The following HIVEP3 variants were observed in gnomAD, a reference collection of about 807,000 sequenced individuals.
HIVEP3 encodes the protein HIVEP zinc finger 3, also known as transcription factor HIVEP3.
In HIVEP3, 49 loss-of-function variants were observed where a neutral mutation model predicts 152.8. The observed-to-expected ratio is 0.32, with a 90% CI of 0.26 to 0.41. HIVEP3 has a LOEUF of 0.41. HIVEP3 is among the 10% of genes least tolerant of loss of function. The probability of loss-of-function intolerance (pLI) is 1.00; values close to 1 mark genes in which losing one functional copy is unlikely to be tolerated. For missense variants in HIVEP3, 2,790 were observed against 3,103.3 expected (o/e 0.90, Z 2.40); for synonymous variants, 1,269 against 1,289.0 (o/e 0.98, Z 0.33).
intron 1 of HIVEP3, among the ~76,000 whole-genome samples, chr1:42,015,480 C>A (rs1312183566): frequency 6.6e-6 from 1 of 152,190 alleles, no homozygotes; most frequent in Non-Finnish European, 1.5e-5. Context: ...AGCGTAGACA[C>A]AGAGCAAGAC....
intron 5 of HIVEP3, among the ~76,000 whole-genome samples, chr1:41,537,450 C>T (rs934635842): frequency 5.3e-5 from 8 of 152,120 alleles, no homozygotes; most frequent in South Asian, 2.1e-4. Context: ...AGCCTGTGTC[C>T]GTGAAGTGAG....
chr1:41,694,385 C>T (rs562884007), intron 2 of HIVEP3, among the ~76,000 whole-genome samples: 10 of 152,256 alleles, frequency 6.6e-5, no homozygotes, highest in Middle Eastern at 3.4e-3. Context: ...AGGTTCCTTG[C>T]ATGGCCTATT....
At chr1:41,735,981 A>G (rs1646912770) in intron 1 of HIVEP3, among the ~76,000 whole-genome samples, 1 of 152,122 alleles carries the variant, frequency 6.6e-6, no homozygotes, top group South Asian at 2.1e-4. Flanking sequence ...CCCCACCATC[A>G]AAGTGACAAC....
intron 1 of HIVEP3, among the ~76,000 whole-genome samples, chr1:41,893,020 G>A (rs1014231298): frequency 6.6e-6 from 1 of 151,622 alleles, no homozygotes; most frequent in African/African-American, 2.4e-5. Flanking sequence ...CTACTCGGGA[G>A]GCTGAGGCAG....
intron 1 of HIVEP3, among the ~76,000 whole-genome samples, chr1:42,032,953 A>C (rs1645621235): frequency 6.6e-6 from 1 of 152,128 alleles, no homozygotes; most frequent in South Asian, 2.1e-4. Flanking sequence ...CTAGCACCAG[A>C]TACAATCCTG....
intron 1 of HIVEP3, among the ~76,000 whole-genome samples, chr1:41,840,181 T>TC (rs1349230093): frequency 6.6e-6 from 1 of 152,122 alleles, no homozygotes; most frequent in Admixed American, 6.5e-5. Context: ...TTGAATAGTG[T>TC]CCCCCCAACG....
intron 3 of HIVEP3, among the ~76,000 whole-genome samples, chr1:41,627,813 G>C (rs943432241): frequency 3.3e-5 from 5 of 152,058 alleles, no homozygotes; most frequent in Admixed American, 6.5e-5. Context: ...TAGATTCCTG[G>C]GTCCCCAACC....
chr1:41,686,739 G>A (rs1287082555), intron 2 of HIVEP3, among the ~76,000 whole-genome samples: 1 of 152,174 alleles, frequency 6.6e-6, no homozygotes, highest in Non-Finnish European at 1.5e-5. Context: ...CCAGAACCCA[G>A]GAAGCAGTTC....
chr1:41,615,331 G>A (rs569100348), intron 3 of HIVEP3, among the ~76,000 whole-genome samples: 29 of 152,272 alleles, frequency 1.9e-4, no homozygotes, highest in Middle Eastern at 3.4e-3. Flanking sequence ...TTGGGAAATC[G>A]GCCCGTCCCT....
chr1:41,630,718 C>T (rs921328429), intron 2 of HIVEP3, among the ~76,000 whole-genome samples: 1 of 152,202 alleles, frequency 6.6e-6, no homozygotes, highest in South Asian at 2.1e-4. Context: ...AGCCCACCAA[C>T]ACCTTGATTC....
intron 1 of HIVEP3, among the ~76,000 whole-genome samples, chr1:42,007,212 T>C (rs930051474): frequency 2.8e-4 from 43 of 152,328 alleles, no homozygotes; most frequent in African/African-American, 9.9e-4. Context: ...GCATGTACCA[T>C]TTCATTGCAA....
chr1:41,572,569 C>T (rs1037259235), intron 5 of HIVEP3, among the ~76,000 whole-genome samples: 2 of 152,174 alleles, frequency 1.3e-5, no homozygotes, highest in African/African-American at 4.8e-5. Flanking sequence ...TGGTGTAGTC[C>T]CCAAGCACCT....
chr1:41,775,565 A>G (rs1648647559), intron 1 of HIVEP3, among the ~76,000 whole-genome samples: 1 of 152,102 alleles, frequency 6.6e-6, no homozygotes, highest in African/African-American at 2.4e-5. Flanking sequence ...ATCTCGGCTC[A>G]CTGCAACCTC....
At chr1:41,690,328 G>A (rs1646177785) in intron 2 of HIVEP3, among the ~76,000 whole-genome samples, 2 of 152,228 alleles carry the variant, frequency 1.3e-5, no homozygotes, top group South Asian at 4.1e-4. Flanking sequence ...GGCAGGGGAT[G>A]GCTGGGTGTG....
chr1:41,861,169 C>T (rs890014795), intron 1 of HIVEP3, among the ~76,000 whole-genome samples: 4 of 152,210 alleles, frequency 2.6e-5, no homozygotes, highest in Non-Finnish European at 4.4e-5. Context: ...AAAACTCCTA[C>T]ACCATGCTCC....
upstream of HIVEP3, among the ~76,000 whole-genome samples, chr1:41,920,335 T>C (rs1644931362): frequency 6.6e-6 from 1 of 151,944 alleles, no homozygotes; most frequent in South Asian, 2.1e-4. Flanking sequence ...ACAGAGAGCC[T>C]GTCACTCTCT....
At chr1:41,537,639 A>G (rs556341188) in intron 5 of HIVEP3, among the ~76,000 whole-genome samples, 1 of 152,358 alleles carries the variant, frequency 6.6e-6, no homozygotes, top group East Asian at 1.9e-4. Flanking sequence ...TCTTAAAAAT[A>G]TTCAGTGGCC....
intron 1 of HIVEP3, among the ~76,000 whole-genome samples, chr1:41,771,944 C>T (rs60585655): frequency 0.42 from 64,361 of 151,976 alleles, 15,390 homozygotes; most frequent in Non-Finnish European, 0.54. Flanking sequence ...GGATTACAGG[C>T]GTGAGCCACC....
intron 1 of HIVEP3, among the ~76,000 whole-genome samples, chr1:41,781,858 C>T (rs1456039159): frequency 6.6e-6 from 1 of 152,244 alleles, no homozygotes; most frequent in East Asian, 1.9e-4. Flanking sequence ...CTTCAAGTCT[C>T]AGCTCTCCTG....
Sources: gnomAD v4.1 joint callset for allele counts (sites outside exome capture counted in the v4.1 genomes callset) on GRCh38, gnomAD v4.1.1 for gene constraint, MANE v1.5 for transcripts, NCBI Gene and HGNC (gene_info 2026-07-23, HGNC 2026-07-21) for gene names.